The following FBXL2 variants were observed in gnomAD, a reference collection of about 807,000 sequenced individuals.
FBXL2 encodes F-box and leucine rich repeat protein 2.
Under a neutral mutation model 69.2 loss-of-function variants are expected in FBXL2, and 38 were observed. That is an observed-to-expected ratio of 0.55 (90% CI 0.42 to 0.72). FBXL2 has a LOEUF of 0.72. FBXL2 is among the 30% of genes least tolerant of loss of function. The pLI is 0.00. For synonymous variants in FBXL2, 192 were observed against 201.3 expected (o/e 0.95, Z 0.39); for missense variants, 354 against 520.3 (o/e 0.68, Z 3.11).
downstream of FBXL2, chr3:33,389,791 G>T (rs1382006798): frequency 1.3e-5 from 2 of 154,138 alleles, no homozygotes; most frequent in African/African-American, 4.8e-5. Flanking sequence ...CCTCAGACAT[G>T]ATTTCTTCCA....
chr3:33,392,516 ATC>A, downstream of FBXL2: 9 of 1,539,250 alleles, frequency 5.8e-6, no homozygotes, highest in Non-Finnish European at 8.0e-6. Flanking sequence ...GGCACACACC[ATC>A]TCTCATGATT....
intron 2 of FBXL2, among the ~76,000 whole-genome samples, chr3:33,323,681 A>G (rs1453200858): frequency 2.0e-5 from 3 of 152,158 alleles, no homozygotes; most frequent in African/African-American, 7.2e-5. Flanking sequence ...GTATATATGT[A>G]CCACATTTTC....
intron 2 of FBXL2, among the ~76,000 whole-genome samples, chr3:33,308,664 T>C (rs2036926181): frequency 1.3e-5 from 2 of 152,206 alleles, no homozygotes; most frequent in South Asian, 4.1e-4. Context: ...CTTCTTCCTA[T>C]TTCTCTCAGC....
At chr3:33,402,560 C>T (rs1428600011) in intron 12 of FBXL2, among the ~76,000 whole-genome samples, 3 of 152,210 alleles carry the variant, frequency 2.0e-5, no homozygotes, top group Admixed American at 6.5e-5. Context: ...TTGAAAATGG[C>T]GCCTTGTCTA....
downstream of FBXL2, chr3:33,390,643 A>C (rs1271332426): frequency 3.6e-5 from 18 of 500,294 alleles, no homozygotes; most frequent in Admixed American, 5.8e-4. Flanking sequence ...GGGGACATCT[A>C]TCAAGACACA....
chr3:33,305,591 G>T (rs993929554), intron 2 of FBXL2, among the ~76,000 whole-genome samples: 1 of 151,836 alleles, frequency 6.6e-6, no homozygotes, highest in African/African-American at 2.4e-5. Context: ...CAGTATGCAC[G>T]TGTTTTTCTG....
exon 13 of FBXL2, chr3:33,403,560 G>C (rs1335242378): frequency 7.1e-6 from 1 of 139,924 alleles, no homozygotes; most frequent in African/African-American, 2.6e-5. Context: ...CTGTCTGTCT[G>C]TCTGTCTGTC....
At chr3:33,403,447 G>C (rs1180235256) in exon 13 of FBXL2, 1 of 165,872 alleles carries the variant, frequency 6.0e-6, no homozygotes, top group African/African-American at 2.4e-5. Flanking sequence ...GACAGGCCCA[G>C]CATCAAAATA....
exon 13 of FBXL2, chr3:33,403,434 C>A (rs990774268): frequency 4.2e-5 from 7 of 168,014 alleles, no homozygotes; most frequent in Non-Finnish European, 2.6e-5. Context: ...TCAAGACAGA[C>A]CAGACAGGCC....
At chr3:33,302,933 G>GA (rs36064115) in intron 2 of FBXL2, 24,900 of 263,014 alleles carry the variant, frequency 0.095, 1,300 homozygotes, top group African/African-American at 0.12. Flanking sequence ...TCCCATGAGT[G>GA]AAAATCATTA....
intron 12 of FBXL2, among the ~76,000 whole-genome samples, chr3:33,395,665 C>T (rs2043949732): frequency 1.3e-5 from 2 of 148,896 alleles, no homozygotes; most frequent in Non-Finnish European, 1.5e-5. Context: ...AGTGACAAGT[C>T]CACACACTTA....
downstream of FBXL2, among the ~76,000 whole-genome samples, chr3:33,405,333 G>A (rs1396996094): frequency 6.6e-6 from 1 of 152,130 alleles, no homozygotes; most frequent in Non-Finnish European, 1.5e-5. Flanking sequence ...CAATAGCAGT[G>A]GTCAAACTGC....
At chr3:33,280,266 T>C (rs931338951) in intron 1 of FBXL2, among the ~76,000 whole-genome samples, 3 of 152,240 alleles carry the variant, frequency 2.0e-5, no homozygotes, top group African/African-American at 4.8e-5. Flanking sequence ...AGTTAAGGAA[T>C]TGGCATCCGC....
intron 2 of FBXL2, among the ~76,000 whole-genome samples, chr3:33,301,964 T>C (rs186617490): frequency 2.8e-3 from 419 of 152,312 alleles, no homozygotes; most frequent in Admixed American, 7.8e-3. Flanking sequence ...ATCTATAAAA[T>C]GGGAATAGTA....
chr3:33,356,686 G>A (rs1027171299), intron 2 of FBXL2, among the ~76,000 whole-genome samples: 2 of 152,132 alleles, frequency 1.3e-5, no homozygotes, highest in Non-Finnish European at 2.9e-5. Flanking sequence ...AATCAGGAGA[G>A]GGGCAATTAC....
At chr3:33,395,519 A>G (rs2043941940) in intron 12 of FBXL2, among the ~76,000 whole-genome samples, 1 of 152,076 alleles carries the variant, frequency 6.6e-6, no homozygotes, top group South Asian at 2.1e-4. Flanking sequence ...CTAATCCAGC[A>G]CTATACCGTA....
intron 5 of FBXL2, among the ~76,000 whole-genome samples, chr3:33,366,414 C>T (rs1342202811): frequency 3.3e-5 from 5 of 152,022 alleles, no homozygotes; most frequent in Admixed American, 3.3e-4. Context: ...CATCTATAAC[C>T]CCAGTGCTTT....
intron 2 of FBXL2, 71 bp from the exon 3 acceptor site, chr3:33,358,896 A>G (rs752986778): frequency 1.0e-6 from 1 of 988,136 alleles, no homozygotes; most frequent in Non-Finnish European, 1.5e-6. Context: ...ATTAGAGTTT[A>G]TCTTTCAAGT....
At chr3:33,411,749 CTTACTATATTATG>C in the FBXL2 span, 1 of 1,303,950 alleles carries the variant, frequency 7.7e-7, no homozygotes, top group African/African-American at 1.5e-5. Flanking sequence ...AAACTTACAA[CTTACTATATTATG>C]TTCTAATGAA....
Sources: allele counts gnomAD v4.1 joint callset (sites outside exome capture counted in the v4.1 genomes callset), GRCh38; gene constraint gnomAD v4.1.1; transcripts MANE v1.5; gene names NCBI Gene and HGNC (gene_info 2026-07-23, HGNC 2026-07-21).